RB1: variants seen among roughly 807,000 people sequenced by gnomAD.
The protein encoded by RB1 is RB transcriptional corepressor 1.
RB1 carries 18 observed loss-of-function variants against 135.4 expected under a neutral mutation model. That is an observed-to-expected ratio of 0.13 (90% confidence interval 0.09 to 0.20). The LOEUF (loss-of-function observed/expected upper bound fraction) is 0.20, where lower values mean the gene tolerates loss of function less well. Among genes scored for constraint, RB1 ranks in the 10% least tolerant of loss-of-function variants. The probability of loss-of-function intolerance (pLI) is 1.00; values close to 1 mark genes in which losing one functional copy is unlikely to be tolerated. For missense variants in RB1, 868 were observed against 1,110.0 expected, an observed-to-expected ratio of 0.78 and a Z score of 3.10; for synonymous variants, 365 against 373.2, an observed-to-expected ratio of 0.98 and a Z score of 0.25.
intron 16 of RB1, 83 bp downstream of exon 16, chr13:48,380,324 T>C: frequency 2.0e-6 from 2 of 1,010,770 alleles, no homozygotes; most frequent in Non-Finnish European, 1.5e-6. Context: ...GGGAGAGGGA[T>C]AGTGTGAGGT....
chr13:48,322,944 C>T (rs959735420), intron 2 of RB1, among the ~76,000 whole-genome samples: 24 of 151,486 alleles, frequency 1.6e-4, no homozygotes, highest in Admixed American at 1.2e-3. Context: ...GATTTCTATA[C>T]GTGTATTTAT....
rs748968374 is a variant in RB1 at position 48,411,511 on chromosome 13, T to G, written c.1695+30068T>G. On this transcript the variant is annotated intron_variant, in intron 17 of 26. Coordinates refer to ENST00000267163, the MANE Select transcript of RB1 (RefSeq NM_000321.3). ...TCACTTCTCCTGACAGACCAGTTTT[T>G]CATTTTTATTGAATTCTGAATTGTG... 5.0e-6 allele frequency: 8 copies of G among 1,612,812 alleles called. No homozygotes were observed. The Admixed American group carries it at 1.2e-4, about 24-fold the overall frequency.
At chr13:48,475,039 A>C (rs899669218) in intron 24 of RB1, among the ~76,000 whole-genome samples, 2 of 151,988 alleles carry the variant, frequency 1.3e-5, no homozygotes, top group Admixed American at 1.3e-4. Flanking sequence ...ATGTCCAGCT[A>C]ATTTTTAAAT....
At chr13:48,310,010 G>A (rs78594230) in intron 2 of RB1, among the ~76,000 whole-genome samples, 2,871 of 152,258 alleles carry the variant, frequency 0.019, 44 homozygotes, top group Non-Finnish European at 0.029. Context: ...CTAGGTACTG[G>A]AGGAAGGTAA....
intron 20 of RB1, 71 bp from the exon 21 acceptor site, chr13:48,463,659 GA>G: frequency 1.0e-6 from 1 of 971,544 alleles, no homozygotes; most frequent in Admixed American, 1.7e-5. Flanking sequence ...CTAAAAGAAA[GA>G]AAATGGTATT....
At position 48,381,366 on chromosome 13, in the gene RB1, G is replaced by A. The variant is rs2138145414; in HGVS notation, c.1618G>A (p.Gly540Ser). The A allele has an allele frequency of 6.2e-7, 1 of 1,612,080 alleles. No homozygotes were observed. Among genetic ancestry groups the A allele is most frequent in the South Asian group, 1.1e-5 (1 of 90,736 alleles). The change falls in exon 17 of 27, where the codon GGC becomes AGC. Residue 540 changes from glycine (G) to serine (S), a missense_variant. Around this residue, in one of 3 missense-constraint regions of RB1, gnomAD observed 641 missense variants for 791.3 expected, o/e 0.81. Transcript: ENST00000267163. ...KVIESFIKAE[G>S]NLTREMIKHL... Reference sequence around the variant, plus strand: ...GATCGAAAGTTTTATCAAAGCAGAAGGCAACTTGACAAGAGAAATGATAAA... The same window carrying A: ...GATCGAAAGTTTTATCAAAGCAGAAAGCAACTTGACAAGAGAAATGATAAA...
intron 17 of RB1, among the ~76,000 whole-genome samples, chr13:48,448,687 G>T (rs934789331): frequency 6.6e-6 from 1 of 152,126 alleles, no homozygotes; most frequent in Non-Finnish European, 1.5e-5. Flanking sequence ...AGTTGAAAGC[G>T]CATCTTTAAC....
At chr13:48,430,412 A>G (rs760494906) in intron 17 of RB1, among the ~76,000 whole-genome samples, 12 of 152,214 alleles carry the variant, frequency 7.9e-5, no homozygotes, top group Non-Finnish European at 1.8e-4. Context: ...AAATGACTCC[A>G]TATAAGTTCT....
At chr13:48,341,822 G>A (rs1952445167) in intron 2 of RB1, among the ~76,000 whole-genome samples, 1 of 151,910 alleles carries the variant, frequency 6.6e-6, no homozygotes, top group Admixed American at 6.6e-5. Flanking sequence ...GTAATCTCCA[G>A]TTAAGAGTAA....
chr13:48,318,815 G>T, intron 2 of RB1: 1 of 939,302 alleles, frequency 1.1e-6, no homozygotes, highest in Non-Finnish European at 1.7e-6. Context: ...CAGCCTGCGA[G>T]CAGCTCTCAC....
At chr13:48,444,390 C>A (rs1949267346) in intron 17 of RB1, among the ~76,000 whole-genome samples, 1 of 152,052 alleles carries the variant, frequency 6.6e-6, no homozygotes, top group South Asian at 2.1e-4. Flanking sequence ...GGTGGCATGC[C>A]CCTGTAGTCC....
intron 17 of RB1, among the ~76,000 whole-genome samples, chr13:48,425,276 A>G (rs1949063584): frequency 6.6e-6 from 1 of 152,222 alleles, no homozygotes; most frequent in African/African-American, 2.4e-5. Flanking sequence ...CCATTAATAT[A>G]GTCATGCTGC....
chr13:48,435,670 A>G (rs1462998289), intron 17 of RB1, among the ~76,000 whole-genome samples: 1 of 152,184 alleles, frequency 6.6e-6, no homozygotes, highest in Non-Finnish European at 1.5e-5. Context: ...TACTTAAAAA[A>G]TTATAGTTTC....
intron 11 of RB1, among the ~76,000 whole-genome samples, chr13:48,370,148 T>C (rs964721042): frequency 2.0e-5 from 3 of 152,112 alleles, no homozygotes; most frequent in African/African-American, 7.2e-5. Flanking sequence ...AAGGCCTGTG[T>C]CACAGGATAA....
At chr13:48,373,785 T>G (rs769977767) in intron 12 of RB1, among the ~76,000 whole-genome samples, 73 of 152,142 alleles carry the variant, frequency 4.8e-4, no homozygotes, top group Non-Finnish European at 7.9e-4. Context: ...AGATATATCC[T>G]TTGATAATTA....
intron 17 of RB1, chr13:48,412,012 T>C: frequency 6.2e-7 from 1 of 1,612,240 alleles, no homozygotes; most frequent in South Asian, 1.1e-5. Context: ...CACACGCCAG[T>C]GCAAACAATC....
intron 17 of RB1, among the ~76,000 whole-genome samples, chr13:48,452,085 G>A (rs1382781693): frequency 6.6e-6 from 1 of 151,662 alleles, no homozygotes; most frequent in Non-Finnish European, 1.5e-5. Context: ...ATTTTTTAAG[G>A]GTTTTTTGTG....
intron 20 of RB1, among the ~76,000 whole-genome samples, chr13:48,460,062 C>G (rs1175012607): frequency 2.0e-5 from 3 of 150,700 alleles, no homozygotes; most frequent in Admixed American, 6.6e-5. Context: ...CTCCGCCTCC[C>G]AGGTTCAAGT....
intron 17 of RB1, chr13:48,412,275 T>C (rs199946508): frequency 9.3e-6 from 15 of 1,614,100 alleles, no homozygotes; most frequent in Non-Finnish European, 1.3e-5. Flanking sequence ...TGTAGTTTCA[T>C]TTCGGACTTT....
Sources: allele counts gnomAD v4.1 joint callset (sites outside exome capture counted in the v4.1 genomes callset), GRCh38; gene constraint gnomAD v4.1.1; regional missense constraint gnomAD v4.1.1; transcripts MANE v1.5; gene names NCBI Gene and HGNC (gene_info 2026-07-23, HGNC 2026-07-21).